The following CDK14 variants were observed in gnomAD, a reference collection of about 807,000 sequenced individuals.
The protein encoded by CDK14 is cyclin dependent kinase 14.
A neutral mutation model predicts 60.7 loss-of-function variants in CDK14; 34 were observed. That is an observed-to-expected ratio of 0.56 (90% confidence interval 0.43 to 0.75). The LOEUF is 0.75. Ranked by LOEUF, CDK14 falls within the 30% of genes least tolerant of loss-of-function variation. The probability of loss-of-function intolerance (pLI) is 0.00; values close to 1 mark genes in which losing one functional copy is unlikely to be tolerated. For synonymous variants in CDK14, 197 were observed against 203.7 expected (o/e 0.97, Z 0.28); for missense variants, 482 against 564.1 (o/e 0.85, Z 1.47).
At position 90,646,178 on chromosome 7, in the gene CDK14, G is replaced by A. The variant is rs148458259; in HGVS notation, c.123+41929G>A. On this transcript the variant is annotated intron_variant, in intron 2 of 14. Coordinates refer to ENST00000380050, the MANE Select transcript of CDK14 (RefSeq NM_001287135.2). ...ATTTCTTGATTCACAAAGCTTAAGG[G>A]CAGGCAGGAGGATGTTCATCTTATG... Among the ~76,000 whole-genome samples, 1,266 of 152,282 alleles carry A rather than the reference G, an allele frequency of 8.3e-3. 14 individuals are homozygous for A. Among genetic ancestry groups the A allele is most frequent in the Non-Finnish European group, 0.014 (937 of 68,018 alleles).
chr7:91,146,442 C>G (rs1156896413), intron 14 of CDK14, among the ~76,000 whole-genome samples: 1 of 138,382 alleles, frequency 7.2e-6, no homozygotes, highest in Non-Finnish European at 1.6e-5. Flanking sequence ...CTCAGGTGAT[C>G]TGCTTGCCTC....
intron 10 of CDK14, among the ~76,000 whole-genome samples, chr7:91,012,724 A>G (rs920989581): frequency 6.6e-6 from 1 of 152,174 alleles, no homozygotes; most frequent in African/African-American, 2.4e-5. Flanking sequence ...TCTCTTACTT[A>G]TCTTGACTGG....
Position 90,657,871 on chromosome 7 carries a change from G to A in CDK14, c.123+53622G>A, listed in dbSNP as rs569602631. 1.8e-4 allele frequency among the ~76,000 whole-genome samples: 27 copies of A among 152,234 alleles called. No individual in the cohort carries two copies. In the South Asian group the frequency reaches 5.6e-3, roughly 32 times the overall value. ...CCTATAAGCTCCTATTTTACCATGA[G>A]GAGACCAAGGCCCAGTGAGCCTAGG... On this transcript the variant is annotated intron_variant, in intron 2 of 14. Coordinates refer to ENST00000380050, the MANE Select transcript of CDK14 (RefSeq NM_001287135.2).
intron 2 of CDK14, among the ~76,000 whole-genome samples, chr7:90,626,416 A>G (rs529713015): frequency 6.6e-6 from 1 of 152,222 alleles, no homozygotes; most frequent in African/African-American, 2.4e-5. Flanking sequence ...GAAGAGATCA[A>G]TACTGCCAAG....
At chr7:90,826,681 G>A (rs1789734438) in intron 5 of CDK14, among the ~76,000 whole-genome samples, 1 of 151,934 alleles carries the variant, frequency 6.6e-6, no homozygotes, top group Non-Finnish European at 1.5e-5. Flanking sequence ...CATTACACTT[G>A]CATAGTCAGT....
chr7:91,097,229 A>C (rs1365539929), intron 12 of CDK14, among the ~76,000 whole-genome samples: 3 of 151,964 alleles, frequency 2.0e-5, no homozygotes, highest in Admixed American at 2.0e-4. Flanking sequence ...AAAAACACAA[A>C]AATTAGCTGG....
At chr7:90,912,320 T>C (rs918239785) in intron 7 of CDK14, among the ~76,000 whole-genome samples, 1 of 152,228 alleles carries the variant, frequency 6.6e-6, no homozygotes, top group Non-Finnish European at 1.5e-5. Context: ...AATCATGTGC[T>C]TATTATACTA....
chr7:90,936,198 A>G (rs909122640), intron 8 of CDK14, among the ~76,000 whole-genome samples: 7 of 152,208 alleles, frequency 4.6e-5, no homozygotes, highest in Non-Finnish European at 1.0e-4. Context: ...TTTTTTAACA[A>G]TATATAAATT....
chr7:90,867,054 G>C (rs945408490), intron 6 of CDK14, among the ~76,000 whole-genome samples: 1 of 152,118 alleles, frequency 6.6e-6, no homozygotes, highest in East Asian at 1.9e-4. Flanking sequence ...TCTGATGCAT[G>C]GTTTTGAGTA....
chr7:91,200,415 ATTTG>A (rs1219212346), intron 14 of CDK14, among the ~76,000 whole-genome samples: 3 of 152,204 alleles, frequency 2.0e-5, no homozygotes, highest in South Asian at 2.1e-4. Context: ...AGGTAAAACA[ATTTG>A]TTTGTTTTTC....
At chr7:90,947,073 G>C (rs986001636) in intron 8 of CDK14, among the ~76,000 whole-genome samples, 1 of 152,162 alleles carries the variant, frequency 6.6e-6, no homozygotes, top group African/African-American at 2.4e-5. Context: ...TTTCCTTAAC[G>C]ATTTTCTCTT....
Position 90,672,971 on chromosome 7 carries a change from C to T in CDK14, c.124-53596C>T, listed in dbSNP as rs564350739. 1.8e-4 allele frequency among the ~76,000 whole-genome samples: 27 copies of T among 151,944 alleles called. 1 individual carries two copies. In the South Asian group the frequency reaches 1.9e-3, roughly 11 times the overall value. ...GGAAATTATTCTAAGATACTGGACACATTTTAGGTTGCCATAATTTAAATG... is the reference window on the plus strand; with the variant it reads ...GGAAATTATTCTAAGATACTGGACATATTTTAGGTTGCCATAATTTAAATG... On this transcript the variant is annotated intron_variant, in intron 2 of 14. Coordinates refer to ENST00000380050, the MANE Select transcript of CDK14 (RefSeq NM_001287135.2).
rs138132209 is a variant in CDK14, at chr7:90,631,083, C to G, written c.123+26834C>G. On this transcript the variant is annotated intron_variant, in intron 2 of 14. Coordinates refer to ENST00000380050, the MANE Select transcript of CDK14 (RefSeq NM_001287135.2). ...GGTGGTACTCTGATAGGATTCAGAA[C>G]CCCCCTTCTCATGGAAGCAGCATGG... Among the ~76,000 whole-genome samples, 6 of 151,962 alleles carry G rather than the reference C, an allele frequency of 3.9e-5. No homozygotes were observed. In the East Asian group the frequency reaches 1.2e-3, roughly 29 times the overall value.
chr7:90,754,937 GA>G (rs1168197956), intron 4 of CDK14, among the ~76,000 whole-genome samples: 1 of 152,108 alleles, frequency 6.6e-6, no homozygotes, highest in Non-Finnish European at 1.5e-5. Flanking sequence ...AAATCAGTTA[GA>G]ATGGCTATTA....
At chr7:90,841,659 T>TACACACACACACAC (rs57434660) in intron 5 of CDK14, among the ~76,000 whole-genome samples, 10,225 of 139,262 alleles carry the variant, frequency 0.073, 446 homozygotes, top group South Asian at 0.13. Flanking sequence ...TATATATATG[T>TACACACACACACAC]ACACACACAC....
At chr7:90,976,540 C>A (rs1265600541) in intron 9 of CDK14, among the ~76,000 whole-genome samples, 1 of 151,226 alleles carries the variant, frequency 6.6e-6, no homozygotes, top group Non-Finnish European at 1.5e-5. Flanking sequence ...TTTTTTTTAA[C>A]TTTTTGTGGA....
At chr7:90,752,802 C>T (rs1803900920) in intron 4 of CDK14, among the ~76,000 whole-genome samples, 1 of 151,956 alleles carries the variant, frequency 6.6e-6, no homozygotes, top group Non-Finnish European at 1.5e-5. Flanking sequence ...TCAGAAATGA[C>T]AAAGGTGACA....
chr7:91,137,641 C>G (rs924365441), intron 14 of CDK14, among the ~76,000 whole-genome samples: 1 of 151,716 alleles, frequency 6.6e-6, no homozygotes, highest in Non-Finnish European at 1.5e-5. Context: ...CACACACACT[C>G]ACACCAAGAT....
At chr7:91,152,972 G>A (rs1234146350) in intron 14 of CDK14, among the ~76,000 whole-genome samples, 2 of 152,162 alleles carry the variant, frequency 1.3e-5, no homozygotes, top group East Asian at 1.9e-4. Flanking sequence ...ATAAGTCAAA[G>A]CTATGCTCTG....
Sources: gnomAD v4.1 joint callset for allele counts (sites outside exome capture counted in the v4.1 genomes callset) on GRCh38, gnomAD v4.1.1 for gene constraint, MANE v1.5 for transcripts, NCBI Gene and HGNC (gene_info 2026-07-23, HGNC 2026-07-21) for gene names.